Variants in ARHGEF3 observed in about 807,000 individuals in gnomAD.
ARHGEF3 encodes the protein Rho guanine nucleotide exchange factor 3, also known as 59.8 kDA protein.
In ARHGEF3, 28 loss-of-function variants were observed where a neutral mutation model predicts 63.2. The ratio of observed to expected loss-of-function variants is 0.44; its 90% CI spans 0.33 to 0.61. The LOEUF (loss-of-function observed/expected upper bound fraction) is 0.61. ARHGEF3 is among the 20% of genes least tolerant of loss of function. The pLI is 0.03. For missense variants in ARHGEF3, 533 were observed against 659.3 expected, an observed-to-expected ratio of 0.81 and a Z score of 2.10; for synonymous variants, 266 against 254.2, an observed-to-expected ratio of 1.05 and a Z score of -0.44.
intron 1 of ARHGEF3, chr3:57,074,347 C>A (rs1706107974): frequency 7.9e-7 from 1 of 1,258,238 alleles, no homozygotes; most frequent in Non-Finnish European, 1.1e-6. Flanking sequence ...TCCCTTCCAT[C>A]CCCCACCCCC....
intron 2 of ARHGEF3, among the ~76,000 whole-genome samples, chr3:56,962,867 G>A (rs989844320): frequency 6.6e-6 from 1 of 152,160 alleles, no homozygotes; most frequent in Non-Finnish European, 1.5e-5. Flanking sequence ...TAGGCCTTAG[G>A]GTTAGTGCAG....
At chr3:56,916,907 C>T (rs1470769599) in intron 3 of ARHGEF3, among the ~76,000 whole-genome samples, 9 of 152,180 alleles carry the variant, frequency 5.9e-5, no homozygotes, top group South Asian at 2.1e-4. Context: ...CACACCCATC[C>T]GTTTCTTTTT....
At chr3:56,927,759 C>G (rs746233148) in intron 3 of ARHGEF3, among the ~76,000 whole-genome samples, 2 of 152,092 alleles carry the variant, frequency 1.3e-5, no homozygotes, top group Non-Finnish European at 2.9e-5. Context: ...AGTCATTTGA[C>G]CCATAAAAAA....
At position 57,011,329 on chromosome 3, in the gene ARHGEF3, C is replaced by T. The variant is rs1192637861; in HGVS notation, c.62+23759G>A. ...TAGCGGTGAACTCCCTAAAGATTTC[C>T]CACGGGGCACACTGATGACAGCAAT... On this transcript the variant is annotated intron_variant, in intron 2 of 12. Coordinates refer to the ARHGEF3 transcript ENST00000338458. Among the ~76,000 whole-genome samples, 4 of 152,302 alleles carry T rather than the reference C, an allele frequency of 2.6e-5. No individual in the cohort carries two copies. In the East Asian group the frequency reaches 7.7e-4, roughly 29 times the overall value.
At chr3:56,775,823 G>C in intron 1 of ARHGEF3, 6 of 257,072 alleles carry the variant, frequency 2.3e-5, no homozygotes, top group Non-Finnish European at 2.4e-5. Context: ...CACACACACT[G>C]CCTCTTAAGC....
At chr3:56,960,559 C>T (rs1700236797) in intron 2 of ARHGEF3, 1 of 152,312 alleles carries the variant, frequency 6.6e-6, no homozygotes, top group Non-Finnish European at 1.5e-5. Flanking sequence ...CCCCTGTCCC[C>T]CTTTCTCTCT....
chr3:57,042,673 TATATATATATATATA>T (rs1454449346), intron 1 of ARHGEF3, among the ~76,000 whole-genome samples: 1,415 of 37,610 alleles, frequency 0.038, 94 homozygotes, highest in Non-Finnish European at 0.054. Context: ...TATATATATA[TATATATATATATATA>T]TATATATATA....
chr3:56,921,012 A>G (rs1028151195), intron 3 of ARHGEF3, among the ~76,000 whole-genome samples: 25 of 130,620 alleles, frequency 1.9e-4, no homozygotes, highest in South Asian at 5.3e-4. Context: ...CCGAGATTGC[A>G]CCACTGCACT....
intron 2 of ARHGEF3, among the ~76,000 whole-genome samples, chr3:57,017,003 CT>C (rs1350875277): frequency 7.7e-5 from 9 of 116,672 alleles, no homozygotes; most frequent in African/African-American, 2.7e-4. Flanking sequence ...AGCTTTCTCT[CT>C]GTCTCTCTCT....
intron 3 of ARHGEF3, among the ~76,000 whole-genome samples, chr3:56,918,733 T>A (rs1041017886): frequency 6.6e-6 from 1 of 152,190 alleles, no homozygotes; most frequent in Non-Finnish European, 1.5e-5. Flanking sequence ...AGGTCCACGT[T>A]CATTTTGAGC....
chr3:57,011,560 C>G (rs866861597), intron 2 of ARHGEF3, among the ~76,000 whole-genome samples: 1 of 152,076 alleles, frequency 6.6e-6, no homozygotes, highest in South Asian at 2.1e-4. Flanking sequence ...GGACAGCCCC[C>G]CACCTTCCCC....
intron 1 of ARHGEF3, among the ~76,000 whole-genome samples, chr3:57,059,505 T>C (rs965993286): frequency 5.4e-5 from 4 of 74,344 alleles, no homozygotes; most frequent in African/African-American, 1.8e-4. Flanking sequence ...TGTGTATGAG[T>C]TGGGGGTGGG....
intron 3 of ARHGEF3, among the ~76,000 whole-genome samples, chr3:56,903,217 A>G (rs7638356): frequency 0.011 from 1,729 of 152,298 alleles, 37 homozygotes; most frequent in African/African-American, 0.039. Context: ...GAGGGATTAA[A>G]GCAAGATGCC....
intron 3 of ARHGEF3, among the ~76,000 whole-genome samples, chr3:56,894,919 C>T (rs1055243914): frequency 3.0e-4 from 45 of 152,288 alleles, no homozygotes; most frequent in Middle Eastern, 3.4e-3. Context: ...GCAAAGACTC[C>T]GGATTAGAAA....
chr3:56,797,568 G>A (rs970650678), intron 1 of ARHGEF3, among the ~76,000 whole-genome samples: 2 of 152,152 alleles, frequency 1.3e-5, no homozygotes, highest in African/African-American at 4.8e-5. Flanking sequence ...TATACTATCT[G>A]TTCAATACAA....
intron 4 of ARHGEF3, among the ~76,000 whole-genome samples, chr3:56,875,304 C>T (rs1342711333): frequency 1.3e-5 from 2 of 152,170 alleles, no homozygotes; most frequent in African/African-American, 2.4e-5. Context: ...TGGTCCCTTC[C>T]TCCCTGAAAT....
chr3:56,939,518 C>G (rs1699071580), intron 3 of ARHGEF3, among the ~76,000 whole-genome samples: 1 of 152,228 alleles, frequency 6.6e-6, no homozygotes, highest in Non-Finnish European at 1.5e-5. Flanking sequence ...GTTTAAAACC[C>G]CTGACTGAAC....
intron 2 of ARHGEF3, among the ~76,000 whole-genome samples, chr3:57,005,908 T>A (rs549919708): frequency 6.6e-6 from 1 of 152,334 alleles, no homozygotes; most frequent in Admixed American, 6.5e-5. Context: ...ACGTATGCGA[T>A]CTCCTCTGGG....
intron 1 of ARHGEF3, among the ~76,000 whole-genome samples, chr3:57,077,540 T>A (rs1398100968): frequency 6.6e-6 from 1 of 152,096 alleles, no homozygotes; most frequent in African/African-American, 2.4e-5. Flanking sequence ...AGATACCAAA[T>A]GGGTGCAGAC....
Sources: gnomAD v4.1 joint callset for allele counts (sites outside exome capture counted in the v4.1 genomes callset) on GRCh38, gnomAD v4.1.1 for gene constraint, MANE v1.5 for transcripts, NCBI Gene and HGNC (gene_info 2026-07-23, HGNC 2026-07-21) for gene names.